RPS6KC1: variants seen among roughly 807,000 people sequenced by gnomAD.
RPS6KC1 encodes the protein inactive ribosomal protein S6 kinase delta-1.
In RPS6KC1, 54 loss-of-function variants were observed where a neutral mutation model predicts 103.8. That is an observed-to-expected ratio of 0.52 (90% confidence interval 0.42 to 0.65). The LOEUF (loss-of-function observed/expected upper bound fraction) is 0.65, where lower values mean the gene tolerates loss of function less well. Among genes scored for constraint, RPS6KC1 ranks in the 30% least tolerant of loss-of-function variants. The pLI, the probability that RPS6KC1 is intolerant of heterozygous loss-of-function variation, is 0.00. For synonymous variants in RPS6KC1, 439 were observed against 438.7 expected, an observed-to-expected ratio of 1.00 and a Z score of -0.01; for missense variants, 1,151 against 1,253.8, an observed-to-expected ratio of 0.92 and a Z score of 1.24.
chr1:213,328,261 C>G, the RPS6KC1 span, among the ~76,000 whole-genome samples: 4 of 151,898 alleles, frequency 2.6e-5, no homozygotes, highest in African/African-American at 9.7e-5. Flanking sequence ...TAACGGTGGA[C>G]TCTGAAAGGT....
At chr1:213,655,098 A>G in the RPS6KC1 span, among the ~76,000 whole-genome samples, 1 of 152,316 alleles carries the variant, frequency 6.6e-6, no homozygotes, top group South Asian at 2.1e-4. Flanking sequence ...GCTGGAATGC[A>G]GTTGCATGAT....
chr1:213,856,453 A>ATCCT, the RPS6KC1 span, among the ~76,000 whole-genome samples: 7 of 136,302 alleles, frequency 5.1e-5, no homozygotes, highest in African/African-American at 2.2e-4. Context: ...TCTCTGCTCC[A>ATCCT]TCCTTCCTTC....
the RPS6KC1 span, among the ~76,000 whole-genome samples, chr1:213,422,793 T>G: frequency 6.6e-6 from 1 of 152,216 alleles, no homozygotes; most frequent in African/African-American, 2.4e-5. Context: ...TTGTTTGTAT[T>G]GACACCATAT....
chr1:213,168,100 G>T (rs955490881), intron 7 of RPS6KC1, 127 bp downstream of exon 7: 12 of 564,244 alleles, frequency 2.1e-5, no homozygotes, highest in African/African-American at 2.1e-4. Context: ...TTTCATAAAG[G>T]TTGTTGGTAG....
chr1:213,406,705 C>A, the RPS6KC1 span, among the ~76,000 whole-genome samples: 1 of 152,152 alleles, frequency 6.6e-6, no homozygotes, highest in East Asian at 1.9e-4. Flanking sequence ...CACTCTCTAC[C>A]CCTCAAATAC....
chr1:213,064,676 C>CTTTT (rs34472724), intron 1 of RPS6KC1, among the ~76,000 whole-genome samples: 21 of 104,864 alleles, frequency 2.0e-4, no homozygotes, highest in Non-Finnish European at 3.4e-4. Flanking sequence ...CCTTTGTGAA[C>CTTTT]TTTTTTTTTT....
chr1:213,322,200 G>T, the RPS6KC1 span, among the ~76,000 whole-genome samples: 5 of 152,324 alleles, frequency 3.3e-5, no homozygotes, highest in East Asian at 9.7e-4. Context: ...CAGCTACTTA[G>T]GAGGCCGAGG....
At chr1:213,752,891 C>T in the RPS6KC1 span, among the ~76,000 whole-genome samples, 2 of 152,322 alleles carry the variant, frequency 1.3e-5, no homozygotes, top group South Asian at 4.1e-4. Flanking sequence ...AAGCCAAGAT[C>T]CCTTCATCAC....
At chr1:213,426,060 C>G in the RPS6KC1 span, among the ~76,000 whole-genome samples, 16 of 152,138 alleles carry the variant, frequency 1.1e-4, no homozygotes, top group Non-Finnish European at 2.1e-4. Flanking sequence ...GTTGAGCCCC[C>G]TTTTTCCCCA....
chr1:213,331,454 G>A, the RPS6KC1 span, among the ~76,000 whole-genome samples: 2 of 152,204 alleles, frequency 1.3e-5, no homozygotes, highest in Non-Finnish European at 2.9e-5. Context: ...ACGAGTCAAC[G>A]GTTAATTGAG....
chr1:213,633,406 A>G, the RPS6KC1 span, among the ~76,000 whole-genome samples: 1 of 152,230 alleles, frequency 6.6e-6, no homozygotes, highest in African/African-American at 2.4e-5. Flanking sequence ...ACATTCTTAA[A>G]GAAAAGAATT....
chr1:213,824,220 C>G, the RPS6KC1 span, among the ~76,000 whole-genome samples: 4 of 152,176 alleles, frequency 2.6e-5, no homozygotes, highest in Admixed American at 2.6e-4. Context: ...CACAATAGGG[C>G]CCTTTTCCCT....
At chr1:213,533,509 G>T in the RPS6KC1 span, among the ~76,000 whole-genome samples, 1 of 152,148 alleles carries the variant, frequency 6.6e-6, no homozygotes, top group Non-Finnish European at 1.5e-5. Context: ...ACTTTCTGTA[G>T]TGGTTTATTA....
At chr1:213,198,855 C>T (rs1361554778) in intron 8 of RPS6KC1, among the ~76,000 whole-genome samples, 1 of 152,166 alleles carries the variant, frequency 6.6e-6, no homozygotes, top group Admixed American at 6.5e-5. Context: ...CAGCATTATT[C>T]TATTACCAGT....
the RPS6KC1 span, among the ~76,000 whole-genome samples, chr1:213,401,356 G>C: frequency 6.6e-6 from 1 of 152,216 alleles, no homozygotes; most frequent in African/African-American, 2.4e-5. Context: ...AAGTGGCTGA[G>C]CCAGAATTAA....
the RPS6KC1 span, among the ~76,000 whole-genome samples, chr1:213,569,477 A>T: frequency 6.6e-6 from 1 of 152,134 alleles, no homozygotes; most frequent in Non-Finnish European, 1.5e-5. Context: ...TTTTTCTGAA[A>T]CAGCTGCATC....
chr1:213,164,526 G>A (rs944858197), intron 6 of RPS6KC1, among the ~76,000 whole-genome samples: 11 of 152,120 alleles, frequency 7.2e-5, no homozygotes, highest in Admixed American at 6.6e-4. Context: ...TAACATAAAG[G>A]TTATTAAATA....
At chr1:213,334,642 T>C in the RPS6KC1 span, among the ~76,000 whole-genome samples, 2 of 152,164 alleles carry the variant, frequency 1.3e-5, no homozygotes, top group South Asian at 2.1e-4. Flanking sequence ...TGTGAACACA[T>C]TGCAAGGGCT....
chr1:213,321,959 C>T, the RPS6KC1 span, among the ~76,000 whole-genome samples: 5 of 152,220 alleles, frequency 3.3e-5, no homozygotes, highest in South Asian at 8.3e-4. Flanking sequence ...AGGAGGCCAA[C>T]AAGGCCAGAG....
Sources: allele counts gnomAD v4.1 joint callset (sites outside exome capture counted in the v4.1 genomes callset), GRCh38; gene constraint gnomAD v4.1.1; transcripts MANE v1.5; gene names NCBI Gene and HGNC (gene_info 2026-07-23, HGNC 2026-07-21).